PLCB1: variants seen among roughly 807,000 people sequenced by gnomAD.
PLCB1 encodes 1-phosphatidylinositol 4,5-bisphosphate phosphodiesterase beta-1.
In PLCB1, 46 loss-of-function variants were observed where a neutral mutation model predicts 161.8. That is an observed-to-expected ratio of 0.28 (90% confidence interval 0.22 to 0.36). PLCB1 has a LOEUF of 0.36. Ranked by LOEUF, PLCB1 falls within the 10% of genes least tolerant of loss-of-function variation. PLCB1 has a pLI of 1.00. For missense variants in PLCB1, 1,016 were observed against 1,472.5 expected, an observed-to-expected ratio of 0.69 and a Z score of 5.07; for synonymous variants, 517 against 503.7, an observed-to-expected ratio of 1.03 and a Z score of -0.35.
intron 3 of PLCB1, among the ~76,000 whole-genome samples, chr20:8,485,544 A>G (rs1316362340): frequency 5.3e-5 from 8 of 152,220 alleles, no homozygotes; most frequent in Admixed American, 4.6e-4. Context: ...TAGGTTCATT[A>G]GTCATATAAA....
intron 3 of PLCB1, among the ~76,000 whole-genome samples, chr20:8,394,975 T>A (rs956014324): frequency 5.9e-5 from 9 of 152,194 alleles, no homozygotes; most frequent in Non-Finnish European, 1.3e-4. Flanking sequence ...AGATTTGTAA[T>A]ACCTGGTTAA....
At chr20:8,358,023 T>A (rs2122286843) in intron 2 of PLCB1, among the ~76,000 whole-genome samples, 1 of 148,748 alleles carries the variant, frequency 6.7e-6, no homozygotes, top group Middle Eastern at 3.5e-3. Flanking sequence ...ACTGTCTTCA[T>A]CATCAAACAG....
intron 2 of PLCB1, among the ~76,000 whole-genome samples, chr20:8,291,021 T>G (rs1600290993): frequency 6.8e-6 from 1 of 147,928 alleles, no homozygotes; most frequent in South Asian, 2.1e-4. Context: ...TAGTGGACCC[T>G]CCAGTAACAA....
chr20:8,664,463 G>C, intron 9 of PLCB1, among the ~76,000 whole-genome samples: 1 of 151,864 alleles, frequency 6.6e-6, no homozygotes, highest in Non-Finnish European at 1.5e-5. Context: ...AAACCCTATT[G>C]CATTTTCAAT....
chr20:8,683,567 C>G (rs1163341639), intron 9 of PLCB1, among the ~76,000 whole-genome samples: 1 of 152,064 alleles, frequency 6.6e-6, no homozygotes, highest in Non-Finnish European at 1.5e-5. Flanking sequence ...AAAATTGTCT[C>G]AATACGTGTA....
rs532210270 is a variant in PLCB1 at position 8,389,547 on chromosome 20, C to T, written c.246+18097C>T. Among the ~76,000 whole-genome samples, 14 of 152,278 alleles carry T rather than the reference C, an allele frequency of 9.2e-5. No homozygotes were observed. In the South Asian group the frequency reaches 2.9e-3, roughly 32 times the overall value. On this transcript the variant is annotated intron_variant, in intron 3 of 31. Transcript: ENST00000338037. Reference sequence around the variant, plus strand: ...CAGGTCTTTTCAGAAGATTGTGACTCATTTTTATCATTGCCCCTGTCTGGT... The same window carrying T: ...CAGGTCTTTTCAGAAGATTGTGACTTATTTTTATCATTGCCCCTGTCTGGT...
intron 9 of PLCB1, among the ~76,000 whole-genome samples, chr20:8,659,227 A>G (rs190217274): frequency 1.3e-5 from 2 of 152,320 alleles, no homozygotes; most frequent in Non-Finnish European, 2.9e-5. Context: ...TAAATACAAA[A>G]CAATCCAAAA....
At chr20:8,801,192 C>G (rs568006783) in intron 31 of PLCB1, among the ~76,000 whole-genome samples, 1 of 152,244 alleles carries the variant, frequency 6.6e-6, no homozygotes, top group Admixed American at 6.5e-5. Context: ...ACAAGACAGG[C>G]GAATCCCACC....
chr20:8,519,547 G>T (rs969566339), intron 3 of PLCB1, among the ~76,000 whole-genome samples: 29 of 152,094 alleles, frequency 1.9e-4, no homozygotes, highest in African/African-American at 6.8e-4. Context: ...GTTTGAGGAA[G>T]GGGGTTATTC....
chr20:8,350,072 T>TAA (rs1986134349), intron 2 of PLCB1, among the ~76,000 whole-genome samples: 1 of 152,200 alleles, frequency 6.6e-6, no homozygotes, highest in African/African-American at 2.4e-5. Flanking sequence ...AATTGGAACT[T>TAA]GAAATTTCTT....
intron 3 of PLCB1, among the ~76,000 whole-genome samples, chr20:8,544,778 A>T (rs1985470628): frequency 6.6e-6 from 1 of 152,160 alleles, no homozygotes; most frequent in South Asian, 2.1e-4. Flanking sequence ...TTTTCCCCCA[A>T]ATGGGACCAG....
chr20:8,739,770 G>A (rs1477503005), intron 21 of PLCB1, among the ~76,000 whole-genome samples: 1 of 152,154 alleles, frequency 6.6e-6, no homozygotes, highest in African/African-American at 2.4e-5. Flanking sequence ...TCTCTTGGCA[G>A]AACACTGGAA....
rs139400868 is a variant in PLCB1, at chr20:8,138,830, G to A, written c.99+6080G>A. On this transcript the variant is annotated intron_variant, in intron 1 of 31. Transcript: ENST00000338037. ...CTGATCTCTTTAAGAGCTAATGTTCGATTTTATTATCATTACCATGTGTTA... is the reference window on the plus strand; with the variant it reads ...CTGATCTCTTTAAGAGCTAATGTTCAATTTTATTATCATTACCATGTGTTA... 2.0e-4 allele frequency among the ~76,000 whole-genome samples: 31 copies of A among 152,046 alleles called. No homozygotes were observed. In the East Asian group the frequency reaches 5.2e-3, roughly 26 times the overall value.
At chr20:8,644,443 C>G (rs1220909123) in intron 4 of PLCB1, among the ~76,000 whole-genome samples, 2 of 150,062 alleles carry the variant, frequency 1.3e-5, no homozygotes, top group African/African-American at 4.9e-5. Context: ...GCCTCTGCCC[C>G]GCCGCCCCAT....
chr20:8,202,013 T>A (rs914589388), intron 2 of PLCB1, among the ~76,000 whole-genome samples: 2 of 152,212 alleles, frequency 1.3e-5, no homozygotes, highest in African/African-American at 2.4e-5. Flanking sequence ...TTAATCTTAT[T>A]CCTCAGCCAG....
intron 2 of PLCB1, among the ~76,000 whole-genome samples, chr20:8,235,455 C>T (rs1980268650): frequency 6.6e-6 from 1 of 151,930 alleles, no homozygotes; most frequent in Non-Finnish European, 1.5e-5. Context: ...CATGATCATA[C>T]TGATAAGGCA....
Position 8,881,906 on chromosome 20 carries a change from T to G in PLCB1, c.*57T>G, listed in dbSNP as rs928795274. The G allele has an allele frequency of 2.6e-6, 3 of 1,148,472 alleles. No homozygotes were observed. The East Asian group carries it at 7.0e-5, about 27-fold the overall frequency. 71.1% of individuals were successfully genotyped at this position (1,148,472 alleles called of 1,614,324 possible). A position where few individuals can be genotyped will look rare whatever the true frequency, so the allele number is the denominator to read the frequency against. Reference sequence around the variant, plus strand: ...GCCACTCCAGCGTCATCGGACTCTCTCTTATTACAAAGATCACTGCCCAGG... The same window carrying G: ...GCCACTCCAGCGTCATCGGACTCTCGCTTATTACAAAGATCACTGCCCAGG... On this transcript the variant is annotated 3_prime_UTR_variant, in exon 32 of 32. Coordinates refer to ENST00000338037, the MANE Select transcript of PLCB1 (RefSeq NM_015192.4).
At chr20:8,821,155 G>A (rs1460587481) in intron 31 of PLCB1, among the ~76,000 whole-genome samples, 1 of 151,914 alleles carries the variant, frequency 6.6e-6, no homozygotes. Flanking sequence ...GCTATCTTGA[G>A]TAGAGGTAAA....
chr20:8,700,168 C>T (rs1001919449), intron 11 of PLCB1, among the ~76,000 whole-genome samples: 12 of 152,190 alleles, frequency 7.9e-5, no homozygotes, highest in African/African-American at 2.4e-4. Flanking sequence ...GCAGACAGCA[C>T]GCCCTGATGG....
Sources: gnomAD v4.1 joint callset for allele counts (sites outside exome capture counted in the v4.1 genomes callset) on GRCh38, gnomAD v4.1.1 for gene constraint, MANE v1.5 for transcripts, NCBI Gene and HGNC (gene_info 2026-07-23, HGNC 2026-07-21) for gene names.